MEGF6: variants seen among roughly 807,000 people sequenced by gnomAD.
MEGF6 encodes multiple EGF like domains 6.
Under a neutral mutation model 207.1 loss-of-function variants are expected in MEGF6, and 184 were observed. That is an observed-to-expected ratio of 0.89 (90% CI 0.79 to 1.00). The LOEUF is 1.00. MEGF6 is among the 50% of genes least tolerant of loss of function. MEGF6 has a pLI of 0.00. For missense variants in MEGF6, 2,282 were observed against 2,202.9 expected (o/e 1.04, Z -0.72); for synonymous variants, 1,038 against 910.0 (o/e 1.14, Z -2.53).
chr1:3,508,023 G>C, intron 13 of MEGF6, 100 bp from the exon 14 acceptor site: 1 of 1,365,498 alleles, frequency 7.3e-7, no homozygotes, highest in Non-Finnish European at 9.9e-7. Context: ...CAGTTGCCTA[G>C]AGATAAAATG....
intron 1 of MEGF6, among the ~76,000 whole-genome samples, chr1:3,606,439 A>T (rs922759538): frequency 6.6e-5 from 10 of 152,136 alleles, no homozygotes; most frequent in Non-Finnish European, 1.5e-4. Context: ...TTTGAATCTC[A>T]GCTCCCCACG....
At chr1:3,511,736 C>T in intron 8 of MEGF6, 49 bp from the exon 9 acceptor site, 3 of 1,574,872 alleles carry the variant, frequency 1.9e-6, no homozygotes, top group African/African-American at 2.7e-5. Context: ...CTAGGATGAC[C>T]CCCACCTACC....
chr1:3,509,391 G>C (rs1641247853), intron 11 of MEGF6, 146 bp from the exon 12 acceptor site: 3 of 621,736 alleles, frequency 4.8e-6, no homozygotes, highest in Non-Finnish European at 7.5e-6. Flanking sequence ...TCCTCAGCCT[G>C]GTCCCAGGGG....
At chr1:3,579,047 C>T (rs748891425) in intron 4 of MEGF6, among the ~76,000 whole-genome samples, 5 of 152,258 alleles carry the variant, frequency 3.3e-5, no homozygotes, top group South Asian at 2.1e-4. Context: ...CATGGAGCCC[C>T]GGTGGCCACC....
At chr1:3,543,758 G>A (rs773150016) in intron 4 of MEGF6, among the ~76,000 whole-genome samples, 3 of 152,222 alleles carry the variant, frequency 2.0e-5, no homozygotes, top group South Asian at 2.1e-4. Context: ...CTGTCCATAG[G>A]GACCCCTGGC....
intron 23 of MEGF6, 123 bp downstream of exon 23, chr1:3,499,465 T>C: frequency 6.9e-7 from 1 of 1,454,124 alleles, no homozygotes; most frequent in Non-Finnish European, 9.2e-7. Context: ...GAGCAAAGCA[T>C]CACTCTCAGG....
rs1640269258 is a variant in MEGF6, at chr1:3,489,577, C to G, written c.*951G>C. On this transcript the variant is annotated 3_prime_UTR_variant, in exon 37 of 37. Coordinates refer to ENST00000356575, the MANE Select transcript of MEGF6 (RefSeq NM_001409.4). Reference sequence around the variant, plus strand: ...GGAGTCCCTGCCCCTGCGATGCTGCCCTCCCCCCACTGCTGATGCTCAGGT... The same window carrying G: ...GGAGTCCCTGCCCCTGCGATGCTGCGCTCCCCCCACTGCTGATGCTCAGGT... Among the ~76,000 whole-genome samples the G allele has an allele frequency of 6.6e-6, 1 of 152,200 alleles. No homozygotes were observed. Among genetic ancestry groups the G allele is most frequent in the African/African-American group, 2.4e-5 (1 of 41,446 alleles).
chr1:3,553,386 CGGGGACACA>C (rs1557772027), intron 4 of MEGF6, among the ~76,000 whole-genome samples: 3 of 151,460 alleles, frequency 2.0e-5, no homozygotes, highest in Non-Finnish European at 4.4e-5. Flanking sequence ...ACAGGCGGGA[CGGGGACACA>C]GGCAAGAGAC....
intron 14 of MEGF6, among the ~76,000 whole-genome samples, chr1:3,507,373 G>T (rs528343204): frequency 1.3e-5 from 2 of 152,286 alleles, no homozygotes; most frequent in South Asian, 2.1e-4. Flanking sequence ...GAGTTAATAA[G>T]GGAGCCAACA....
chr1:3,539,193 G>A (rs2821066), intron 4 of MEGF6, among the ~76,000 whole-genome samples: 11,520 of 152,122 alleles, frequency 0.076, 595 homozygotes, highest in Admixed American at 0.13. Flanking sequence ...CCAGGGCACC[G>A]GGTCTAAGGT....
rs1640882796 is a variant in MEGF6, at chr1:3,501,831, C to T, written c.2279G>A (p.Cys760Tyr). Reference sequence around the variant, plus strand: ...GTCTTCCCCAGTCCTCCCCGGCGGACACCGGCACTGCCCCGTGACCCCGTG... The same window carrying T: ...GTCTTCCCCAGTCCTCCCCGGCGGATACCGGCACTGCCCCGTGACCCCGTG... ...PCHGVTGQCR[C>Y]PPGRTGEDCE... The change falls in exon 18 of 37, where the codon TGT becomes TAT. Residue 760 changes from cysteine to tyrosine, a missense_variant. Cys to Tyr is a radical substitution (Grantham distance 194, BLOSUM62 -2). Coordinates refer to ENST00000356575, the MANE Select transcript of MEGF6 (RefSeq NM_001409.4). The T allele has an allele frequency of 1.2e-6, 2 of 1,609,150 alleles. No homozygotes were observed. Among genetic ancestry groups the T allele is most frequent in the East Asian group, 2.2e-5 (1 of 44,788 alleles).
intron 1 of MEGF6, among the ~76,000 whole-genome samples, chr1:3,604,727 G>A (rs1024005768): frequency 6.6e-6 from 1 of 152,150 alleles, no homozygotes; most frequent in Non-Finnish European, 1.5e-5. Context: ...AAGATCACCA[G>A]CTAATGGTGA....
chr1:3,541,532 A>C (rs1642519548), intron 4 of MEGF6, among the ~76,000 whole-genome samples: 3 of 152,166 alleles, frequency 2.0e-5, no homozygotes, highest in Non-Finnish European at 4.4e-5. Flanking sequence ...GGGTGCCAGG[A>C]CCAGGGTCCA....
In MEGF6 at chr1:3,501,054, C is replaced by A. The variant is rs1413049351; in HGVS notation, c.2487G>T (p.Arg829Ser). The change falls in exon 20 of 37, where the codon AGG (arginine) becomes AGT (serine). Residue 829 changes from arginine to serine, a missense_variant. Transcript: ENST00000356575. ...AGTGCCCATCATTGGCACAAGAGCA[C>A]CTTGTCTGGCAGCTGGGACCATACC... The part of the protein sequence containing the change: ...AGWYGPSCQT[R>S]CSCANDGHCH... The A allele has an allele frequency of 6.2e-7, 1 of 1,612,774 alleles. No individual in the cohort carries two copies. The highest frequency in any genetic ancestry group is 8.5e-7 in the Non-Finnish European group (1 of 1,179,954).
rs1423973236 is a variant in MEGF6, at chr1:3,573,221, G to A, written c.481+6604C>T. Reference sequence around the variant, plus strand: ...TGCGTGTGCTGCGTCCTTCCTGTGTGTGCTGGGTTCCCCCAGGTTTGCTGG... The same window carrying A: ...TGCGTGTGCTGCGTCCTTCCTGTGTATGCTGGGTTCCCCCAGGTTTGCTGG... On this transcript the variant is annotated intron_variant, in intron 4 of 36. Transcript: ENST00000356575. This position sits in a 1 kb window ranked among gnomAD's most constrained non-coding sequence, Gnocchi z 5.1. 6.6e-6 allele frequency among the ~76,000 whole-genome samples: 1 copy of A among 151,844 alleles called. No individual in the cohort carries two copies. The highest frequency in any genetic ancestry group is 1.5e-5 in the Non-Finnish European group (1 of 67,942).
intron 4 of MEGF6, among the ~76,000 whole-genome samples, chr1:3,564,454 T>C (rs1321160459): frequency 6.6e-6 from 1 of 151,984 alleles, no homozygotes; most frequent in Non-Finnish European, 1.5e-5. Context: ...GAGGGAACAG[T>C]CTGGCCGGGG....
chr1:3,558,787 G>C (rs931575455), intron 4 of MEGF6, among the ~76,000 whole-genome samples: 1 of 152,214 alleles, frequency 6.6e-6, no homozygotes, highest in African/African-American at 2.4e-5. Flanking sequence ...TGGTCTAAGT[G>C]CTGGTTCTTG....
chr1:3,508,713 G>A lies in MEGF6; in HGVS notation c.1529-24C>T, dbSNP rs775511793. 8.7e-6 allele frequency: 14 copies of A among 1,610,552 alleles called. No homozygotes were observed. The South Asian group carries it at 1.3e-4, about 15-fold the overall frequency. ...GACTGGGGGCAGACCAGGATGGGGG[G>A]ATTCAGAGCCTGACCCCTGGCCTCA... On this transcript the variant is annotated intron_variant, in intron 12 of 36. Transcript: ENST00000356575.
At chr1:3,570,222 C>T (rs1436729598) in intron 4 of MEGF6, among the ~76,000 whole-genome samples, 1 of 152,212 alleles carries the variant, frequency 6.6e-6, no homozygotes, top group Non-Finnish European at 1.5e-5. Context: ...AGTCAGGCAC[C>T]TGCCCCACCC....
Sources: allele counts gnomAD v4.1 joint callset (sites outside exome capture counted in the v4.1 genomes callset), GRCh38; gene constraint gnomAD v4.1.1; non-coding constraint Gnocchi (gnomAD v3.1); transcripts MANE v1.5; gene names NCBI Gene and HGNC (gene_info 2026-07-23, HGNC 2026-07-21).